The following GALNT6 variants were observed in gnomAD, a reference collection of about 807,000 sequenced individuals.
The protein encoded by GALNT6 is polypeptide N-acetylgalactosaminyltransferase 6.
A neutral mutation model predicts 65.9 loss-of-function variants in GALNT6; 51 were observed. That is an observed-to-expected ratio of 0.77 (90% CI 0.62 to 0.98). The LOEUF is 0.98. GALNT6 is among the 50% of genes least tolerant of loss of function. The pLI, the probability that GALNT6 is intolerant of heterozygous loss-of-function variation, is 0.00. For missense variants in GALNT6, 708 were observed against 803.3 expected (o/e 0.88, Z 1.43); for synonymous variants, 323 against 315.1 (o/e 1.02, Z -0.26).
intron 3 of GALNT6, 77 bp from the exon 4 acceptor site, chr12:51,377,444 C>G (rs1187851450): frequency 1.7e-6 from 2 of 1,204,680 alleles, no homozygotes. Flanking sequence ...CATCCAGAGA[C>G]TCCCCCAGAC....
At chr12:51,371,175 C>T (rs1172473106) in intron 4 of GALNT6, among the ~76,000 whole-genome samples, 2 of 151,764 alleles carry the variant, frequency 1.3e-5, no homozygotes, top group South Asian at 2.1e-4. Flanking sequence ...CCTCCGCCTC[C>T]GGGGTTCAAG....
rs765175362 is a variant in GALNT6, at chr12:51,377,319, G to A, written c.540C>T (p.Ser180=). ...CTTCGTTGTGGAACACAATGATCAC[G>A]CTGGTGGTGGCCAGTGGGGGGCAGC... ...FRRCPPLATT[S]VIIVFHNEAW... The change falls in exon 4 of 12, where the codon AGC becomes AGT. Residue 180 remains serine, a synonymous_variant. Coordinates refer to ENST00000356317, the MANE Select transcript of GALNT6 (RefSeq NM_007210.4). The A allele has an allele frequency of 6.2e-6, 10 of 1,613,040 alleles. No individual in the cohort carries two copies. In the East Asian group the frequency reaches 1.1e-4, roughly 18 times the overall value.
At chr12:51,384,048 G>A (rs148482587) in intron 2 of GALNT6, among the ~76,000 whole-genome samples, 1 of 152,134 alleles carries the variant, frequency 6.6e-6, no homozygotes, top group Non-Finnish European at 1.5e-5. Context: ...TGCTTTCCTG[G>A]CAAGTGTGCC....
chr12:51,359,547 T>C (rs904863154), intron 7 of GALNT6: 13 of 460,892 alleles, frequency 2.8e-5, no homozygotes, highest in Non-Finnish European at 4.6e-5. Context: ...CACTCTGACT[T>C]AAGCACAGGG....
At chr12:51,358,836 A>G (rs747301) in intron 8 of GALNT6, among the ~76,000 whole-genome samples, 46,689 of 152,074 alleles carry the variant, frequency 0.31, 7,717 homozygotes, top group Middle Eastern at 0.39. Context: ...AGGCTCTCAG[A>G]GCCATTCCTC....
At chr12:51,372,735 G>C (rs10876167) in intron 4 of GALNT6, among the ~76,000 whole-genome samples, 28,281 of 152,182 alleles carry the variant, frequency 0.19, 2,990 homozygotes, top group East Asian at 0.35. Context: ...CTGGCATTAT[G>C]TCACTTGTCT....
intron 6 of GALNT6, among the ~76,000 whole-genome samples, chr12:51,362,420 G>C (rs1389983614): frequency 1.3e-5 from 2 of 152,204 alleles, no homozygotes; most frequent in Non-Finnish European, 2.9e-5. Flanking sequence ...GGGACTGTCA[G>C]CAGTCCTCCT....
At chr12:51,376,113 C>A (rs148104016) in intron 4 of GALNT6, among the ~76,000 whole-genome samples, 2,582 of 152,096 alleles carry the variant, frequency 0.017, 34 homozygotes, top group Non-Finnish European at 0.027. Context: ...GATCTGTCCG[C>A]TTCAGCCTCC....
chr12:51,379,530 G>A lies in GALNT6; in HGVS notation c.252C>T (p.Ser84=), dbSNP rs559307948. Residue 84 remains serine, a synonymous_variant, in exon 3 of 12, where the codon TCC becomes TCT. Transcript: ENST00000356317. ...RAPEAQQTLF[S]INQSCLPGFY... Reference sequence around the variant, plus strand: ...ACCCAGGGAGGCAGGACTGGTTTATGGAGAACAGAGTCTGCTGGGCTTCTG... The same window carrying A: ...ACCCAGGGAGGCAGGACTGGTTTATAGAGAACAGAGTCTGCTGGGCTTCTG... 361 of 1,614,202 alleles carry A rather than the reference G, an allele frequency of 2.2e-4. 3 individuals carry two copies. In the South Asian group the frequency reaches 3.7e-3, roughly 16 times the overall value.
intron 6 of GALNT6, among the ~76,000 whole-genome samples, chr12:51,363,719 C>G (rs550805897): frequency 9.9e-5 from 15 of 152,218 alleles, no homozygotes; most frequent in Middle Eastern, 3.2e-3. Context: ...TGGCCTCCAT[C>G]ACATCTCTTG....
chr12:51,382,461 G>A (rs867938312), intron 2 of GALNT6: 2 of 153,060 alleles, frequency 1.3e-5, no homozygotes, highest in African/African-American at 2.4e-5. Flanking sequence ...AGGAGTCAGC[G>A]AGGCGAGGTG....
At position 51,382,746 on chromosome 12, in the gene GALNT6, C is replaced by G. The variant is rs78431444; in HGVS notation, c.-103-2862G>C. On this transcript the variant is annotated intron_variant, in intron 2 of 11. Coordinates refer to ENST00000356317, the MANE Select transcript of GALNT6 (RefSeq NM_007210.4). ...GGTGGAGGGTATCTTGGAAAGGGACCTGCTTGGCAGCTGGATGACCCATTC... is the reference window on the plus strand; with the variant it reads ...GGTGGAGGGTATCTTGGAAAGGGACGTGCTTGGCAGCTGGATGACCCATTC... 2.6e-4 allele frequency among the ~76,000 whole-genome samples: 39 copies of G among 152,322 alleles called. 1 individual carries two copies. Among genetic ancestry groups the G allele is most frequent in the African/African-American group, 8.9e-4 (37 of 41,578 alleles).
chr12:51,377,608 C>T (rs919857192), intron 3 of GALNT6, among the ~76,000 whole-genome samples: 3 of 152,206 alleles, frequency 2.0e-5, no homozygotes, highest in Admixed American at 6.5e-5. Flanking sequence ...ACAGAGCTGG[C>T]TCAGTGCCCC....
At chr12:51,361,549 T>C (rs1286644532) in intron 6 of GALNT6, among the ~76,000 whole-genome samples, 1 of 152,122 alleles carries the variant, frequency 6.6e-6, no homozygotes, top group Non-Finnish European at 1.5e-5. Context: ...ACAGGGAACA[T>C]TTAGAAGGTT....
chr12:51,379,472 C>T lies in GALNT6; in HGVS notation c.310G>A (p.Glu104Lys), dbSNP rs774059724. The T allele has an allele frequency of 1.9e-5, 30 of 1,614,034 alleles. No individual in the cohort carries two copies. The highest frequency in any genetic ancestry group is 1.9e-5 in the Non-Finnish European group (23 of 1,180,008). ...GCATTGGGGTCCTGTGGTGGCCGTTCCCAGAAGGGCTTCAGTTCAGCTGGG... is the reference window on the plus strand; with the variant it reads ...GCATTGGGGTCCTGTGGTGGCCGTTTCCAGAAGGGCTTCAGTTCAGCTGGG... ...YTPAELKPFW[E>K]RPPQDPNAPG... Residue 104 changes from glutamate (E) to lysine (K), a missense_variant, in exon 3 of 12, where the codon GAA becomes AAA. Glu to Lys is a moderately conservative substitution (Grantham distance 56). Transcript: ENST00000356317.
intron 4 of GALNT6, among the ~76,000 whole-genome samples, chr12:51,370,658 A>G (rs1947264397): frequency 6.6e-6 from 1 of 152,260 alleles, no homozygotes; most frequent in Admixed American, 6.5e-5. Flanking sequence ...TCATAGAGAC[A>G]GAAAGTAGAA....
At chr12:51,388,606 C>A (rs1344964155) in intron 2 of GALNT6, among the ~76,000 whole-genome samples, 1 of 152,172 alleles carries the variant, frequency 6.6e-6, no homozygotes, top group Non-Finnish European at 1.5e-5. Flanking sequence ...TCTCTACTAC[C>A]CGTGCTTTCC....
At chr12:51,361,889 C>T (rs1946934546) in intron 6 of GALNT6, among the ~76,000 whole-genome samples, 1 of 152,020 alleles carries the variant, frequency 6.6e-6, no homozygotes. Context: ...AACCCCAGAA[C>T]CTATCTAGGT....
At chr12:51,390,162 T>TTTC (rs1948000620) in intron 2 of GALNT6, among the ~76,000 whole-genome samples, 2 of 113,436 alleles carry the variant, frequency 1.8e-5, no homozygotes, top group East Asian at 2.0e-4. Flanking sequence ...CTTTCTTTTT[T>TTTC]TTTTTTTTTT....
Sources: allele counts gnomAD v4.1 joint callset (sites outside exome capture counted in the v4.1 genomes callset), GRCh38; gene constraint gnomAD v4.1.1; transcripts MANE v1.5; gene names NCBI Gene and HGNC (gene_info 2026-07-23, HGNC 2026-07-21).